The following GALNT13 variants were observed in gnomAD, a reference collection of about 807,000 sequenced individuals.
GALNT13 encodes the protein UDP-GalNAc:polypeptide N-acetylgalactosaminyltransferase 13.
Under a neutral mutation model 64.2 loss-of-function variants are expected in GALNT13, and 28 were observed. That is an observed-to-expected ratio of 0.44 (90% CI 0.32 to 0.60). The LOEUF is 0.60. Among genes scored for constraint, GALNT13 ranks in the 20% least tolerant of loss-of-function variants. The pLI, the probability that GALNT13 is intolerant of heterozygous loss-of-function variation, is 0.05. For synonymous variants in GALNT13, 214 were observed against 224.6 expected, an observed-to-expected ratio of 0.95 and a Z score of 0.42; for missense variants, 577 against 669.8, an observed-to-expected ratio of 0.86 and a Z score of 1.53.
intron 9 of GALNT13, among the ~76,000 whole-genome samples, chr2:154,384,618 T>C (rs1011080181): frequency 6.6e-6 from 1 of 151,890 alleles, no homozygotes; most frequent in Non-Finnish European, 1.5e-5. Context: ...GTCATTCATG[T>C]ATATACATAA....
At chr2:153,525,990 G>T in the GALNT13 span, among the ~76,000 whole-genome samples, 1 of 152,224 alleles carries the variant, frequency 6.6e-6, no homozygotes, top group Non-Finnish European at 1.5e-5. Context: ...AGGAAAGAAT[G>T]GGAAAGACTG....
chr2:153,415,041 G>C, the GALNT13 span, among the ~76,000 whole-genome samples: 1 of 152,012 alleles, frequency 6.6e-6, no homozygotes, highest in South Asian at 2.1e-4. Flanking sequence ...CACTGGCATG[G>C]TATTACTTAT....
At chr2:153,272,538 A>C in the GALNT13 span, among the ~76,000 whole-genome samples, 126,482 of 152,200 alleles carry the variant, frequency 0.83, 53,813 homozygotes, top group African/African-American at 0.93. Context: ...TCATTAGGAG[A>C]AATGCAAATC....
chr2:154,132,306 T>C (rs1307957353), intron 3 of GALNT13, among the ~76,000 whole-genome samples: 1 of 151,246 alleles, frequency 6.6e-6, no homozygotes, highest in Non-Finnish European at 1.5e-5. Flanking sequence ...CCACTGCTAA[T>C]CTTCATTGCT....
chr2:154,298,779 TTTATATATTATA>T (rs2105085258), intron 8 of GALNT13, among the ~76,000 whole-genome samples: 1 of 123,486 alleles, frequency 8.1e-6, no homozygotes, highest in South Asian at 2.3e-4. Context: ...TATATATTTA[TTTATATATTATA>T]TTATTTATAT....
At chr2:154,411,317 TACACACACACACACACACACACACAC>T (rs59114913) in intron 11 of GALNT13, among the ~76,000 whole-genome samples, 88,233 of 147,870 alleles carry the variant, frequency 0.6, 26,613 homozygotes, top group East Asian at 0.73. Context: ...TAATTGCACA[TACACACACACACACACACACACACAC>T]ACACACACAC....
chr2:153,916,700 G>T (rs561156390), intron 2 of GALNT13, among the ~76,000 whole-genome samples: 18 of 152,202 alleles, frequency 1.2e-4, no homozygotes, highest in Non-Finnish European at 2.1e-4. Flanking sequence ...TCAAGAAATG[G>T]TATATTTAGT....
the GALNT13 span, among the ~76,000 whole-genome samples, chr2:153,086,721 T>A: frequency 6.6e-6 from 1 of 151,398 alleles, no homozygotes; most frequent in Non-Finnish European, 1.5e-5. Flanking sequence ...TTATTTATTT[T>A]ATTTTATTTT....
chr2:154,394,326 C>A (rs1055027169), intron 9 of GALNT13, among the ~76,000 whole-genome samples: 4 of 152,020 alleles, frequency 2.6e-5, no homozygotes, highest in African/African-American at 9.7e-5. Flanking sequence ...ATTCATATTT[C>A]ATTGTCCATA....
chr2:154,416,889 G>T (rs1188972736), intron 11 of GALNT13, among the ~76,000 whole-genome samples: 1 of 152,120 alleles, frequency 6.6e-6, no homozygotes, highest in Non-Finnish European at 1.5e-5. Context: ...AGGCGTCAAA[G>T]TTGTACCATA....
the GALNT13 span, among the ~76,000 whole-genome samples, chr2:153,434,633 G>A: frequency 9.2e-5 from 14 of 152,182 alleles, no homozygotes; most frequent in African/African-American, 2.2e-4. Flanking sequence ...CTTCTTTTGA[G>A]AAGTGTCTGT....
At chr2:154,062,729 T>G (rs1700255242) in intron 3 of GALNT13, among the ~76,000 whole-genome samples, 2 of 152,076 alleles carry the variant, frequency 1.3e-5, no homozygotes, top group Non-Finnish European at 2.9e-5. Flanking sequence ...CAATTCGACA[T>G]GAGATTTGAA....
intron 1 of GALNT13, among the ~76,000 whole-genome samples, chr2:153,894,636 A>G (rs1399164708): frequency 1.3e-5 from 2 of 152,130 alleles, no homozygotes; most frequent in African/African-American, 4.8e-5. Context: ...GTTATAGATT[A>G]ATCAGTTTGC....
chr2:154,242,806 C>G lies in GALNT13; in HGVS notation c.587C>G (p.Ala196Gly), dbSNP rs1689567715. 6.2e-7 allele frequency: 1 copy of G among 1,613,922 alleles called. No individual in the cohort carries two copies. The highest frequency in any genetic ancestry group is 8.5e-7 in the Non-Finnish European group (1 of 1,179,928). ...TTAATACGTGCCCGTCTTCGAGGAG[C>G]AGCTGCTTCAAAAGGGCAGGTCATA... ...SGLIRARLRG[A>G]AASKGQVITF... is the part of the protein sequence containing the mutation. Residue 196 changes from alanine to glycine, a missense_variant, in exon 6 of 13, where the codon GCA (alanine) becomes GGA (glycine). Transcript: ENST00000392825.
At chr2:154,219,021 A>G (rs1424256585) in intron 4 of GALNT13, among the ~76,000 whole-genome samples, 1 of 151,998 alleles carries the variant, frequency 6.6e-6, no homozygotes, top group Non-Finnish European at 1.5e-5. Flanking sequence ...ATTAATTATA[A>G]TTGAAAATCT....
At chr2:154,372,982 A>G (rs1384512013) in intron 9 of GALNT13, among the ~76,000 whole-genome samples, 1 of 152,134 alleles carries the variant, frequency 6.6e-6, no homozygotes, top group Non-Finnish European at 1.5e-5. Flanking sequence ...GAATTCTTAG[A>G]ACACTTTCCT....
the GALNT13 span, among the ~76,000 whole-genome samples, chr2:153,214,444 TA>T: frequency 6.6e-6 from 1 of 152,272 alleles, no homozygotes; most frequent in East Asian, 1.9e-4. Context: ...CCCATCATCA[TA>T]ATTCTTTTTG....
chr2:153,587,441 C>A, the GALNT13 span, among the ~76,000 whole-genome samples: 1 of 152,142 alleles, frequency 6.6e-6, no homozygotes, highest in Non-Finnish European at 1.5e-5. Flanking sequence ...CACAGTTCAA[C>A]ATGGCTGGAG....
chr2:153,454,518 A>G, the GALNT13 span, among the ~76,000 whole-genome samples: 1 of 152,164 alleles, frequency 6.6e-6, no homozygotes, highest in Non-Finnish European at 1.5e-5. Flanking sequence ...TAAAAAACTG[A>G]AGTCATTATT....
Sources: gnomAD v4.1 joint callset for allele counts (sites outside exome capture counted in the v4.1 genomes callset) on GRCh38, gnomAD v4.1.1 for gene constraint, MANE v1.5 for transcripts, NCBI Gene and HGNC (gene_info 2026-07-23, HGNC 2026-07-21) for gene names.